The following PARD3 variants were observed in gnomAD, a reference collection of about 807,000 sequenced individuals.
PARD3 encodes partitioning defective 3 homolog.
Under a neutral mutation model 155.4 loss-of-function variants are expected in PARD3, and 75 were observed. That is an observed-to-expected ratio of 0.48 (90% confidence interval 0.40 to 0.58). The LOEUF (loss-of-function observed/expected upper bound fraction) is 0.58, where lower values mean the gene tolerates loss of function less well. PARD3 is among the 20% of genes least tolerant of loss of function. PARD3 has a pLI of 0.00. For synonymous variants in PARD3, 576 were observed against 610.5 expected (o/e 0.94, Z 0.83); for missense variants, 1,642 against 1,721.7 (o/e 0.95, Z 0.82).
intron 20 of PARD3, among the ~76,000 whole-genome samples, chr10:34,312,864 CA>C (rs1323387026): frequency 6.6e-6 from 1 of 152,098 alleles, no homozygotes; most frequent in Non-Finnish European, 1.5e-5. Context: ...ATAACAGTTC[CA>C]ATTTTGCAGC....
chr10:34,359,232 G>A lies in PARD3; in HGVS notation c.1982C>T (p.Thr661Ile). The A allele has an allele frequency of 6.2e-7, 1 of 1,613,402 alleles. No individual in the cohort carries two copies. Among genetic ancestry groups the A allele is most frequent in the Non-Finnish European group, 8.5e-7 (1 of 1,179,476 alleles). Reference protein sequence around the residue: ...LGKTNQDAMETLRRSMSTEGN... With the variant: ...LGKTNQDAMEILRRSMSTEGN... Reference sequence around the variant, plus strand: ...TTCAGTAGACATAGACCTTCTTAGGGTTTCCATGGCATCTTGGTTTGTCTT... The same window carrying A: ...TTCAGTAGACATAGACCTTCTTAGGATTTCCATGGCATCTTGGTTTGTCTT... The change falls in exon 14 of 25, where the codon ACC becomes ATC. Residue 661 changes from threonine (T) to isoleucine (I), a missense_variant. Physicochemically the swap from Thr to Ile is moderately conservative, Grantham distance 89 (BLOSUM62 -1). Coordinates refer to ENST00000374788, the MANE Select transcript of PARD3 (RefSeq NM_001184785.2).
rs1296274167 is a variant in PARD3 at position 34,681,737 on chromosome 10, T to C, written c.222+14581A>G. On this transcript the variant is annotated intron_variant, in intron 2 of 24. Transcript: ENST00000374788. ...GTATTTTACGTATGTATTTTATATA[T>C]ATATATATATATATATATATATATA... Among the ~76,000 whole-genome samples, 4 of 13,250 alleles carry C rather than the reference T, an allele frequency of 3.0e-4. No homozygotes were observed. The East Asian group carries it at 6.3e-3, about 21-fold the overall frequency. The allele number at this position is 13,250 out of a possible 152,430, so 8.7% of individuals were successfully genotyped here.
At chr10:34,427,189 A>G (rs1478882465) in intron 5 of PARD3, among the ~76,000 whole-genome samples, 1 of 152,236 alleles carries the variant, frequency 6.6e-6, no homozygotes, top group Non-Finnish European at 1.5e-5. Context: ...AACAAGGGAG[A>G]TAACCTGAAA....
chr10:34,772,666 C>T lies in PARD3; in HGVS notation c.120+42210G>A, dbSNP rs148605862. Among the ~76,000 whole-genome samples the T allele has an allele frequency of 5.6e-3, 846 of 151,756 alleles. 10 individuals carry two copies. Among genetic ancestry groups the T allele is most frequent in the African/African-American group, 0.019 (769 of 41,352 alleles). On this transcript the variant is annotated intron_variant, in intron 1 of 24. Transcript: ENST00000374788. ...AAAATTAGCCAAGCGTGGTGGTGGA[C>T]GCCTGTAACTCCAGCTACTCGGGAG... is the stretch of plus-strand genomic sequence containing the variant.
chr10:34,158,817 TGAAAG>T (rs1034571935), intron 22 of PARD3, among the ~76,000 whole-genome samples: 4 of 152,206 alleles, frequency 2.6e-5, no homozygotes, highest in African/African-American at 9.6e-5. Context: ...TTTAATTAAT[TGAAAG>T]CTAAAGAGCC....
intron 2 of PARD3, among the ~76,000 whole-genome samples, chr10:34,680,322 GC>G (rs1366752337): frequency 6.6e-6 from 1 of 152,240 alleles, no homozygotes; most frequent in Non-Finnish European, 1.5e-5. Flanking sequence ...ACTTTGGGAG[GC>G]CGAGGCGGGC....
At chr10:34,124,554 C>T (rs751317551) in intron 23 of PARD3, among the ~76,000 whole-genome samples, 6 of 152,124 alleles carry the variant, frequency 3.9e-5, no homozygotes, top group East Asian at 1.9e-4. Context: ...GTCTACCCAT[C>T]GTGCCTTCCC....
In PARD3 at chr10:34,111,097, A is replaced by C; in HGVS notation, c.*72T>G. The C allele has an allele frequency of 6.7e-7, 1 of 1,487,744 alleles. No individual in the cohort carries two copies. Among genetic ancestry groups the C allele is most frequent in the Non-Finnish European group, 9.0e-7 (1 of 1,112,680 alleles). 92.2% of individuals were successfully genotyped at this position (1,487,744 alleles called of 1,614,324 possible). A position where few individuals can be genotyped will look rare whatever the true frequency, so the allele number is the denominator to read the frequency against. ...ATAGTACCATCGAGGTTTTAAAAAAACTCCCAAAATACAAGTCTTCATAGG... is the reference window on the plus strand; with the variant it reads ...ATAGTACCATCGAGGTTTTAAAAAACCTCCCAAAATACAAGTCTTCATAGG... On this transcript the variant is annotated 3_prime_UTR_variant, in exon 25 of 25. Coordinates refer to ENST00000374788, the MANE Select transcript of PARD3 (RefSeq NM_001184785.2).
intron 7 of PARD3, among the ~76,000 whole-genome samples, chr10:34,390,788 T>A (rs1017748308): frequency 2.6e-5 from 4 of 152,230 alleles, no homozygotes; most frequent in African/African-American, 9.6e-5. Flanking sequence ...ATATCTTAGA[T>A]GAACAAAAGG....
At chr10:34,559,161 A>C (rs1180480144) in intron 2 of PARD3, among the ~76,000 whole-genome samples, 1 of 152,018 alleles carries the variant, frequency 6.6e-6, no homozygotes, top group Non-Finnish European at 1.5e-5. Context: ...CACCATACTC[A>C]GCCTTATATC....
chr10:34,317,005 G>A (rs994731119), intron 20 of PARD3, 102 bp downstream of exon 20: 3 of 1,084,248 alleles, frequency 2.8e-6, no homozygotes, highest in Non-Finnish European at 3.8e-6. Flanking sequence ...AAGTAGCTGG[G>A]ATTACAGGTG....
intron 1 of PARD3, among the ~76,000 whole-genome samples, chr10:34,762,233 A>G (rs1338575640): frequency 1.3e-5 from 2 of 151,832 alleles, no homozygotes; most frequent in Non-Finnish European, 2.9e-5. Flanking sequence ...TTTGTGTGTG[A>G]GAAAGAGAGA....
intron 10 of PARD3, 47 bp downstream of exon 10, chr10:34,377,920 G>A: frequency 7.0e-7 from 1 of 1,424,710 alleles, no homozygotes; most frequent in Non-Finnish European, 9.3e-7. Context: ...TCCTGGAAAT[G>A]GAACATTTCA....
intron 12 of PARD3, among the ~76,000 whole-genome samples, chr10:34,367,529 C>A (rs571206268): frequency 3.3e-5 from 5 of 152,118 alleles, no homozygotes; most frequent in Admixed American, 1.3e-4. Context: ...CATGGTGAAA[C>A]CCCGTCTCTA....
intron 2 of PARD3, among the ~76,000 whole-genome samples, chr10:34,673,551 G>C (rs899369590): frequency 4.6e-5 from 7 of 152,124 alleles, no homozygotes; most frequent in Non-Finnish European, 7.4e-5. Flanking sequence ...ATTTACACAG[G>C]AAAGCAATGT....
chr10:34,776,732 T>C (rs1194894309), intron 1 of PARD3, among the ~76,000 whole-genome samples: 1 of 150,486 alleles, frequency 6.6e-6, no homozygotes, highest in East Asian at 2.0e-4. Context: ...AGCAGAAAAT[T>C]AGAAGCCTCC....
At chr10:34,382,312 T>C (rs1841943929) in intron 9 of PARD3, among the ~76,000 whole-genome samples, 1 of 152,238 alleles carries the variant, frequency 6.6e-6, no homozygotes. Context: ...TTTTACATTT[T>C]AATTTCTACA....
intron 20 of PARD3, among the ~76,000 whole-genome samples, chr10:34,312,706 C>T (rs560487147): frequency 6.6e-6 from 1 of 152,210 alleles, no homozygotes; most frequent in Non-Finnish European, 1.5e-5. Context: ...AATATTGCAA[C>T]ATTTCTTTTG....
At chr10:34,258,785 A>G (rs1242779901) in intron 22 of PARD3, among the ~76,000 whole-genome samples, 2 of 152,196 alleles carry the variant, frequency 1.3e-5, no homozygotes, top group Admixed American at 1.3e-4. Flanking sequence ...AAAAGGACAC[A>G]GTGGCTCACA....
Sources: allele counts gnomAD v4.1 joint callset (sites outside exome capture counted in the v4.1 genomes callset), GRCh38; gene constraint gnomAD v4.1.1; transcripts MANE v1.5; gene names NCBI Gene and HGNC (gene_info 2026-07-23, HGNC 2026-07-21).